Variants in NEDD4L observed in about 807,000 individuals in gnomAD.
NEDD4L encodes NEDD4 like E3 ubiquitin protein ligase.
NEDD4L carries 54 observed loss-of-function variants against 148.9 expected under a neutral mutation model. That is an observed-to-expected ratio of 0.36 (90% confidence interval 0.29 to 0.45). The LOEUF (loss-of-function observed/expected upper bound fraction) is 0.45. NEDD4L is among the 20% of genes least tolerant of loss of function. The pLI, the probability that NEDD4L is intolerant of heterozygous loss-of-function variation, is 1.00. For missense variants in NEDD4L, 856 were observed against 1,233.8 expected (o/e 0.69, Z 4.59); for synonymous variants, 433 against 440.7 (o/e 0.98, Z 0.22).
At chr18:58,077,174 T>C (rs2083212834) in intron 1 of NEDD4L, among the ~76,000 whole-genome samples, 1 of 120,438 alleles carries the variant, frequency 8.3e-6, no homozygotes, top group African/African-American at 3.4e-5. Flanking sequence ...TTTTTTTTTT[T>C]TTTTTTTTTT....
At chr18:58,377,651 C>T (rs2047738959) in intron 24 of NEDD4L, among the ~76,000 whole-genome samples, 1 of 152,158 alleles carries the variant, frequency 6.6e-6, no homozygotes, top group South Asian at 2.1e-4. Flanking sequence ...ATACCTGCCC[C>T]CACCGGGAGG....
At chr18:58,331,673 A>G (rs1394698480) in intron 11 of NEDD4L, among the ~76,000 whole-genome samples, 2 of 152,226 alleles carry the variant, frequency 1.3e-5, no homozygotes, top group Non-Finnish European at 2.9e-5. Flanking sequence ...ATGAAGTCTC[A>G]GTGTTTCTCA....
chr18:58,277,238 A>G (rs1480743804), intron 5 of NEDD4L, among the ~76,000 whole-genome samples: 3 of 88,962 alleles, frequency 3.4e-5, no homozygotes, highest in East Asian at 8.5e-4. Flanking sequence ...GAGGGGCACA[A>G]TGGAGAAGAG....
intron 13 of NEDD4L, among the ~76,000 whole-genome samples, chr18:58,336,419 T>C (rs868700657): frequency 7.9e-5 from 12 of 151,802 alleles, no homozygotes; most frequent in Middle Eastern, 3.4e-3. Context: ...CTACTAAAAG[T>C]ACAAAAAATT....
intron 1 of NEDD4L, among the ~76,000 whole-genome samples, chr18:58,084,529 A>G (rs1050801087): frequency 2.0e-5 from 3 of 152,158 alleles, no homozygotes; most frequent in Non-Finnish European, 4.4e-5. Context: ...GGTGGCTTAA[A>G]CAGTAACCAT....
intron 22 of NEDD4L, 53 bp downstream of exon 22, chr18:58,367,920 G>T: frequency 6.3e-7 from 1 of 1,599,046 alleles, no homozygotes. Flanking sequence ...TTTGCTAGTA[G>T]GTGTCTTATC....
At chr18:58,098,381 C>T (rs562125891) in intron 1 of NEDD4L, among the ~76,000 whole-genome samples, 3 of 152,274 alleles carry the variant, frequency 2.0e-5, no homozygotes, top group South Asian at 4.1e-4. Context: ...CCGTCTGTTC[C>T]TGCCTTTACT....
intron 10 of NEDD4L, among the ~76,000 whole-genome samples, chr18:58,330,399 T>G (rs949938994): frequency 1.3e-5 from 2 of 152,176 alleles, no homozygotes; most frequent in Admixed American, 1.3e-4. Flanking sequence ...TAGTAACAAG[T>G]GCTGGAAATC....
intron 2 of NEDD4L, among the ~76,000 whole-genome samples, chr18:58,198,361 G>C (rs144074508): frequency 9.2e-5 from 14 of 152,314 alleles, no homozygotes; most frequent in African/African-American, 3.4e-4. Flanking sequence ...ATTAAGCAGA[G>C]TGACATGTAA....
At chr18:58,283,660 A>G (rs1301016597) in intron 5 of NEDD4L, among the ~76,000 whole-genome samples, 3 of 152,234 alleles carry the variant, frequency 2.0e-5, no homozygotes, top group Non-Finnish European at 4.4e-5. Context: ...TGCTGGTGCT[A>G]CACAACATAC....
chr18:58,064,275 A>G lies in NEDD4L; in HGVS notation c.48+19567A>G, dbSNP rs146471960. 3.8e-3 allele frequency among the ~76,000 whole-genome samples: 575 copies of G among 152,272 alleles called. 6 individuals carry two copies. Among genetic ancestry groups the G allele is most frequent in the African/African-American group, 0.013 (546 of 41,552 alleles). ...CACCGCGCCTGACCCAATGTTTCTT[A>G]AAATACATCCAAACATAAAAAGAAC... is the stretch of plus-strand genomic sequence containing the variant. On this transcript the variant is annotated intron_variant, in intron 1 of 30. Coordinates refer to ENST00000400345, the MANE Select transcript of NEDD4L (RefSeq NM_001144967.3).
At chr18:58,050,402 A>G (rs2081813234) in intron 1 of NEDD4L, among the ~76,000 whole-genome samples, 2 of 152,136 alleles carry the variant, frequency 1.3e-5, no homozygotes, top group Admixed American at 6.5e-5. Flanking sequence ...CCCTGAAGGC[A>G]GAGATTGCAG....
intron 5 of NEDD4L, among the ~76,000 whole-genome samples, chr18:58,268,389 G>A (rs2066689654): frequency 6.6e-6 from 1 of 152,006 alleles, no homozygotes; most frequent in South Asian, 2.1e-4. Context: ...GACAAGGGAG[G>A]GCCTTAGAGA....
At chr18:58,222,536 A>G (rs575413312) in intron 2 of NEDD4L, among the ~76,000 whole-genome samples, 1 of 152,262 alleles carries the variant, frequency 6.6e-6, no homozygotes, top group Admixed American at 6.5e-5. Context: ...ATGCTGAATG[A>G]TTAACATGTG....
At chr18:58,283,232 CA>C (rs1336575400) in intron 5 of NEDD4L, among the ~76,000 whole-genome samples, 3 of 152,146 alleles carry the variant, frequency 2.0e-5, no homozygotes, top group Admixed American at 6.5e-5. Context: ...CACGCCACCA[CA>C]CCTGGCTAAT....
chr18:58,153,320 TG>T (rs1197716288), intron 1 of NEDD4L, among the ~76,000 whole-genome samples: 4 of 147,758 alleles, frequency 2.7e-5, no homozygotes, highest in African/African-American at 1.0e-4. Flanking sequence ...AAATTGGAAG[TG>T]GGAAGAGATT....
chr18:58,275,653 C>G (rs1286544244), intron 5 of NEDD4L, among the ~76,000 whole-genome samples: 2 of 152,184 alleles, frequency 1.3e-5, no homozygotes, highest in East Asian at 1.9e-4. Flanking sequence ...CCTGCCATGC[C>G]CTGACTCACC....
intron 5 of NEDD4L, among the ~76,000 whole-genome samples, chr18:58,272,048 T>G (rs1014637235): frequency 6.6e-6 from 1 of 152,184 alleles, no homozygotes; most frequent in Non-Finnish European, 1.5e-5. Context: ...TATTCAAAAT[T>G]TATGAAAAAT....
chr18:58,392,117 C>T (rs966122518), intron 30 of NEDD4L, among the ~76,000 whole-genome samples: 8 of 152,234 alleles, frequency 5.3e-5, no homozygotes, highest in Admixed American at 2.6e-4. Context: ...GGCACAGTGA[C>T]GCAGAAGGGT....
Sources: gnomAD v4.1 joint callset for allele counts (sites outside exome capture counted in the v4.1 genomes callset) on GRCh38, gnomAD v4.1.1 for gene constraint, MANE v1.5 for transcripts, NCBI Gene and HGNC (gene_info 2026-07-23, HGNC 2026-07-21) for gene names.